Variants in UBR1 observed in about 807,000 individuals in gnomAD.
The protein encoded by UBR1 is ubiquitin protein ligase E3 component n-recognin 1.
In UBR1, 102 loss-of-function variants were observed where a neutral mutation model predicts 242.1. That is an observed-to-expected ratio of 0.42 (90% confidence interval 0.36 to 0.50). The LOEUF (loss-of-function observed/expected upper bound fraction) is 0.50. Among genes scored for constraint, UBR1 ranks in the 20% least tolerant of loss-of-function variants. The pLI, the probability that UBR1 is intolerant of heterozygous loss-of-function variation, is 0.01. For synonymous variants in UBR1, 675 were observed against 684.8 expected (o/e 0.99, Z 0.22); for missense variants, 1,772 against 2,101.8 (o/e 0.84, Z 3.07).
chr15:43,086,845 G>A lies in UBR1; in HGVS notation c.82-605C>T, dbSNP rs151220576. Among the ~76,000 whole-genome samples, 408 of 152,190 alleles carry A rather than the reference G, an allele frequency of 2.7e-3. 1 individual carries two copies. The highest frequency in any genetic ancestry group is 3.7e-3 in the Non-Finnish European group (249 of 67,998). On this transcript the variant is annotated intron_variant, in intron 1 of 46. Transcript: ENST00000290650. ...GTACAGTGGCTAAAATAAAAAACTG[G>A]CAATATCAAATGCTAACTAGGCCAA...
At chr15:43,015,916 A>G in intron 28 of UBR1, 47 bp from the exon 29 acceptor site, 1 of 1,570,996 alleles carries the variant, frequency 6.4e-7, no homozygotes. Flanking sequence ...ACTGTTAAAC[A>G]TTTATATACG....
rs569370682 is a variant in UBR1 at position 43,048,615 on chromosome 15, A to G, written c.1440-124T>C. On this transcript the variant is annotated intron_variant, in intron 12 of 46. Coordinates refer to ENST00000290650, the MANE Select transcript of UBR1 (RefSeq NM_174916.3). ...GATTCTAATTTCTCACAATAATTAG[A>G]AGCTCTGAGTAGAGCTAGAATTATT... is the stretch of plus-strand genomic sequence containing the variant. 1.1e-4 allele frequency: 84 copies of G among 753,370 alleles called. 1 individual carries two copies. In the African/African-American group the frequency reaches 1.3e-3, roughly 12 times the overall value. 46.7% of individuals were successfully genotyped at this position (753,370 alleles called of 1,614,324 possible). A position where few individuals can be genotyped will look rare whatever the true frequency, so the allele number is the denominator to read the frequency against.
At chr15:43,085,131 G>C (rs1269672596) in intron 2 of UBR1, among the ~76,000 whole-genome samples, 1 of 152,184 alleles carries the variant, frequency 6.6e-6, no homozygotes, top group Non-Finnish European at 1.5e-5. Context: ...AATCCAAATA[G>C]CTCCAAAACT....
intron 1 of UBR1, among the ~76,000 whole-genome samples, chr15:43,103,198 C>T (rs2034259105): frequency 6.6e-6 from 1 of 152,082 alleles, no homozygotes. Flanking sequence ...AACCCTGTCT[C>T]TACAAAATAT....
chr15:43,038,315 G>A, intron 15 of UBR1, 83 bp from the exon 16 acceptor site: 1 of 1,421,478 alleles, frequency 7.0e-7, no homozygotes, highest in Non-Finnish European at 9.9e-7. Context: ...AGAAACTTGT[G>A]CGATTTGATT....
At chr15:42,977,687 T>C (rs2141267615) in intron 38 of UBR1, among the ~76,000 whole-genome samples, 193 bp downstream of exon 38, 1 of 152,074 alleles carries the variant, frequency 6.6e-6, no homozygotes, top group East Asian at 1.9e-4. Flanking sequence ...AAGTGCTTTT[T>C]TTTTTTTTTT....
Position 42,963,950 on chromosome 15 carries a change from C to T in UBR1, c.4685G>A (p.Arg1562Lys). 2.5e-6 allele frequency: 4 copies of T among 1,612,070 alleles called. No homozygotes were observed. The highest frequency in any genetic ancestry group is 1.1e-5 in the South Asian group (1 of 91,028). The change falls in exon 42 of 47, where the codon AGG becomes AAG. Residue 1562 changes from arginine (R) to lysine (K), a missense_variant. Arg to Lys is a conservative substitution (Grantham distance 26). This residue lies in a region of UBR1 where 965 missense variants were observed against 1,079.7 expected (regional missense o/e 0.89). Transcript: ENST00000290650. ...LLFQEYWDTV[R>K]PLLQRWCADP... is the part of the protein sequence containing the mutation. ...CCCATAGTACCTCTGGAGCAAGGGC[C>T]TTACAGTATCCCAATATTCCTGGAA...
At chr15:43,100,087 G>C (rs1418522235) in intron 1 of UBR1, among the ~76,000 whole-genome samples, 2 of 152,060 alleles carry the variant, frequency 1.3e-5, no homozygotes, top group Non-Finnish European at 2.9e-5. Context: ...ATGTTAGCCA[G>C]GACGGTCTCG....
chr15:42,946,113 AT>A (rs897229102), intron 46 of UBR1, among the ~76,000 whole-genome samples: 1 of 151,450 alleles, frequency 6.6e-6, no homozygotes, highest in Non-Finnish European at 1.5e-5. Flanking sequence ...CTGGTTGGGG[AT>A]TTTTTTTGTT....
intron 7 of UBR1, 104 bp from the exon 8 acceptor site, chr15:43,059,929 A>G (rs2033662535): frequency 6.4e-7 from 1 of 1,557,842 alleles, no homozygotes; most frequent in Non-Finnish European, 8.9e-7. Flanking sequence ...GCCAGTTCCA[A>G]ATCTCTGCAT....
intron 1 of UBR1, among the ~76,000 whole-genome samples, chr15:43,100,537 A>G (rs974203085): frequency 6.6e-6 from 1 of 152,206 alleles, no homozygotes; most frequent in Admixed American, 6.5e-5. Flanking sequence ...TCAATCACAT[A>G]CCAAGATACA....
In UBR1 at chr15:43,024,862, A is replaced by T; in HGVS notation, c.2706T>A (p.Asp902Glu). ...GCATCCCTTCGGTCCACAAGTTAGA[A>T]TCTGTGTCTATTGCCCGCTCAAATA... ...RTVFERAIDT[D>E]SNLWTEGMLQ... Residue 902 changes from aspartate (D) to glutamate (E), a missense_variant, in exon 25 of 47, where the codon GAT (aspartate) becomes GAA (glutamate). By Grantham distance (45) the Asp-to-Glu change is conservative. This residue lies in a region of UBR1 where 965 missense variants were observed against 1,079.7 expected (regional missense o/e 0.89). Transcript: ENST00000290650. 1 of 1,614,198 alleles carries T rather than the reference A, an allele frequency of 6.2e-7. No homozygotes were observed. Among genetic ancestry groups the T allele is most frequent in the Non-Finnish European group, 8.5e-7 (1 of 1,180,034 alleles).
chr15:42,969,320 A>G (rs937796329), intron 40 of UBR1, among the ~76,000 whole-genome samples: 2 of 152,158 alleles, frequency 1.3e-5, no homozygotes, highest in African/African-American at 4.8e-5. Context: ...TCTTCTTTTG[A>G]AAAGTGTCTG....
chr15:43,059,174 A>G lies in UBR1; in HGVS notation c.1004T>C (p.Phe335Ser). 6.2e-7 allele frequency: 1 copy of G among 1,614,122 alleles called. No individual in the cohort carries two copies. The highest frequency in any genetic ancestry group is 1.1e-5 in the South Asian group (1 of 91,088). ...MSYSSDFRQI[F>S]CQACLREEPD... ...TTCTTCTCTAAGGCATGCTTGGCAA[A>G]AGATCTGCCTAAAGTCACCTACAAA... The change falls in exon 9 of 47, where the codon TTT becomes TCT. Residue 335 changes from phenylalanine to serine, a missense_variant. This residue lies in a region of UBR1 where 734 missense variants were observed against 893.3 expected (regional missense o/e 0.82). Coordinates refer to ENST00000290650, the MANE Select transcript of UBR1 (RefSeq NM_174916.3).
chr15:42,974,978 C>A (rs181437982), intron 39 of UBR1, among the ~76,000 whole-genome samples: 2 of 152,238 alleles, frequency 1.3e-5, no homozygotes, highest in Admixed American at 1.3e-4. Context: ...CTCACTGCAA[C>A]CTCTGCCTCC....
chr15:43,034,331 A>G (rs2033301674), intron 19 of UBR1, among the ~76,000 whole-genome samples: 1 of 151,792 alleles, frequency 6.6e-6, no homozygotes, highest in Admixed American at 6.6e-5. Context: ...AGGCCCAGCT[A>G]TGCAGGAAGC....
chr15:43,055,383 C>T (rs1366993464), intron 11 of UBR1, among the ~76,000 whole-genome samples: 1 of 151,880 alleles, frequency 6.6e-6, no homozygotes, highest in Non-Finnish European at 1.5e-5. Context: ...GCGGAGGTTG[C>T]AGTGAGCCGA....
At chr15:43,011,275 T>G (rs1194199801) in intron 29 of UBR1, among the ~76,000 whole-genome samples, 1 of 152,054 alleles carries the variant, frequency 6.6e-6, no homozygotes, top group Non-Finnish European at 1.5e-5. Flanking sequence ...ATACAAAAAG[T>G]TAAAACTCTA....
intron 6 of UBR1, among the ~76,000 whole-genome samples, chr15:43,064,036 T>C (rs1171896964): frequency 6.6e-6 from 1 of 152,190 alleles, no homozygotes; most frequent in African/African-American, 2.4e-5. Flanking sequence ...GTGCCCAGCA[T>C]TTGAATGCCT....
Sources: gnomAD v4.1 joint callset for allele counts (sites outside exome capture counted in the v4.1 genomes callset) on GRCh38, gnomAD v4.1.1 for gene constraint, gnomAD v4.1.1 regional missense constraint, MANE v1.5 for transcripts, NCBI Gene and HGNC (gene_info 2026-07-23, HGNC 2026-07-21) for gene names.